The following AUTS2 variants were observed in gnomAD, a reference collection of about 807,000 sequenced individuals.
AUTS2 encodes the protein autism susceptibility gene 2 protein.
Under a neutral mutation model 112.4 loss-of-function variants are expected in AUTS2, and 17 were observed. The observed-to-expected ratio is 0.15, with a 90% CI of 0.10 to 0.23. AUTS2 has a LOEUF of 0.23. Ranked by LOEUF, AUTS2 falls within the 10% of genes least tolerant of loss-of-function variation. AUTS2 has a pLI of 1.00. For synonymous variants in AUTS2, 751 were observed against 702.7 expected (o/e 1.07, Z -1.09); for missense variants, 1,510 against 1,701.6 (o/e 0.89, Z 1.98).
Position 70,102,915 on chromosome 7 carries a change from T to C in AUTS2, c.523-15217T>C, listed in dbSNP as rs542303266. Among the ~76,000 whole-genome samples, 70 of 152,308 alleles carry C rather than the reference T, an allele frequency of 4.6e-4. 1 individual carries two copies. Among genetic ancestry groups the C allele is most frequent in the African/African-American group, 1.5e-3 (62 of 41,578 alleles). On this transcript the variant is annotated intron_variant, in intron 2 of 18. Transcript: ENST00000342771. ...TTTGAGAGAGTATTGTAGAATTTATTCTTATATTAATGCAATTAATATATT... is the reference window on the plus strand; with the variant it reads ...TTTGAGAGAGTATTGTAGAATTTATCCTTATATTAATGCAATTAATATATT...
chr7:70,235,568 GT>G (rs1812281071), intron 4 of AUTS2, among the ~76,000 whole-genome samples: 1 of 152,000 alleles, frequency 6.6e-6, no homozygotes, highest in African/African-American at 2.4e-5. Context: ...CGTACTATCT[GT>G]TTTTAGGTGG....
At chr7:69,952,078 G>A (rs976152072) in intron 2 of AUTS2, among the ~76,000 whole-genome samples, 1 of 151,836 alleles carries the variant, frequency 6.6e-6, no homozygotes, top group Non-Finnish European at 1.5e-5. Flanking sequence ...CACTTTTATG[G>A]CCATTTTTTA....
chr7:70,697,035 A>T (rs1443116516), intron 5 of AUTS2, among the ~76,000 whole-genome samples: 1 of 152,198 alleles, frequency 6.6e-6, no homozygotes, highest in Non-Finnish European at 1.5e-5. Flanking sequence ...CAGTCCTAGA[A>T]ATCTCACTTA....
Position 70,509,336 on chromosome 7 carries a change from G to C in AUTS2, c.690+73555G>C, listed in dbSNP as rs144315411. On this transcript the variant is annotated intron_variant, in intron 5 of 18. Coordinates refer to ENST00000342771, the MANE Select transcript of AUTS2 (RefSeq NM_015570.4). Reference sequence around the variant, plus strand: ...AATCACAGCCATGGTGTATGGGAGAGGCATTGGGACTATGAGAGATTATAA... The same window carrying C: ...AATCACAGCCATGGTGTATGGGAGACGCATTGGGACTATGAGAGATTATAA... Among the ~76,000 whole-genome samples the C allele has an allele frequency of 1.5e-4, 23 of 152,296 alleles. No individual in the cohort carries two copies. The East Asian group carries it at 4.4e-3, about 29-fold the overall frequency.
At chr7:70,222,648 C>CT (rs1297533970) in intron 4 of AUTS2, among the ~76,000 whole-genome samples, 1 of 150,980 alleles carries the variant, frequency 6.6e-6, no homozygotes, top group Non-Finnish European at 1.5e-5. Flanking sequence ...CCTCAAAAGA[C>CT]TTTAAGTTCT....
intron 2 of AUTS2, among the ~76,000 whole-genome samples, chr7:69,927,866 G>T (rs773790138): frequency 6.6e-5 from 10 of 152,210 alleles, no homozygotes; most frequent in Non-Finnish European, 1.3e-4. Flanking sequence ...TGCAGAGACC[G>T]CCAGGAACCA....
chr7:69,615,747 C>T (rs1793339021), intron 1 of AUTS2, among the ~76,000 whole-genome samples: 1 of 152,204 alleles, frequency 6.6e-6, no homozygotes, highest in Non-Finnish European at 1.5e-5. Context: ...TGTTGAAATA[C>T]AGCCCATATG....
At chr7:70,623,678 ATGGGAAATGT>A (rs1305993460) in intron 5 of AUTS2, among the ~76,000 whole-genome samples, 1 of 152,180 alleles carries the variant, frequency 6.6e-6, no homozygotes, top group African/African-American at 2.4e-5. Context: ...GCCATTCCTT[ATGGGAAATGT>A]TGGCTTTCTT....
chr7:70,508,822 A>G lies in AUTS2; in HGVS notation c.690+73041A>G, dbSNP rs144033099. 4.0e-3 allele frequency among the ~76,000 whole-genome samples: 602 copies of G among 152,346 alleles called. 3 individuals are homozygous for G. The highest frequency in any genetic ancestry group is 6.4e-3 in the Non-Finnish European group (434 of 68,032). On this transcript the variant is annotated intron_variant, in intron 5 of 18. Transcript: ENST00000342771. The stretch of plus-strand genomic sequence containing the variant: ...CAGTGTGATGGAGAAAGGGCAAGGT[A>G]TTAATTAGTTAGGATAACATGCTAA...
chr7:70,055,295 G>A (rs777089816), intron 2 of AUTS2, among the ~76,000 whole-genome samples: 3 of 152,176 alleles, frequency 2.0e-5, no homozygotes, highest in Non-Finnish European at 4.4e-5. Context: ...TTAGCTGGAC[G>A]TGGTGGCACA....
intron 5 of AUTS2, among the ~76,000 whole-genome samples, chr7:70,666,483 A>G: frequency 6.6e-6 from 1 of 152,220 alleles, no homozygotes; most frequent in African/African-American, 2.4e-5. Context: ...AGAAGGCGAC[A>G]GTTGGCAAAT....
At chr7:70,654,423 G>A (rs779252733) in intron 5 of AUTS2, among the ~76,000 whole-genome samples, 19 of 152,134 alleles carry the variant, frequency 1.2e-4, no homozygotes, top group African/African-American at 7.2e-5. Flanking sequence ...AAAATAAGAC[G>A]GAGGTCACAT....
intron 5 of AUTS2, among the ~76,000 whole-genome samples, chr7:70,458,093 C>T (rs1796817205): frequency 1.3e-5 from 2 of 152,156 alleles, no homozygotes; most frequent in Non-Finnish European, 2.9e-5. Context: ...CTTGAGCCCA[C>T]ATTCTTCCAG....
At chr7:69,637,822 A>G (rs1241902585) in intron 1 of AUTS2, among the ~76,000 whole-genome samples, 1 of 152,240 alleles carries the variant, frequency 6.6e-6, no homozygotes, top group African/African-American at 2.4e-5. Flanking sequence ...AGAGGCTGTT[A>G]TACCTCGTGT....
Position 69,620,784 on chromosome 7 carries a change from A to G in AUTS2, c.309+20822A>G, listed in dbSNP as rs1488666615. Among the ~76,000 whole-genome samples the G allele has an allele frequency of 2.6e-5, 4 of 152,210 alleles. No individual in the cohort carries two copies. In the South Asian group the frequency reaches 6.2e-4, roughly 24 times the overall value. On this transcript the variant is annotated intron_variant, in intron 1 of 18. Transcript: ENST00000342771. ...TTTTGTTAATATTCAAAGGCATGAA[A>G]ACATTTTTACCAGTTTATGTTTTCC...
rs866943417 is a variant in AUTS2, at chr7:70,567,172, C to G, written c.690+131391C>G. Reference sequence around the variant, plus strand: ...TCAGTGTGTTCATGTCTCGATCCAACTGGCCAATGAAACCCTTTATTAGGA... The same window carrying G: ...TCAGTGTGTTCATGTCTCGATCCAAGTGGCCAATGAAACCCTTTATTAGGA... On this transcript the variant is annotated intron_variant, in intron 5 of 18. Transcript: ENST00000342771. 2.0e-4 allele frequency among the ~76,000 whole-genome samples: 31 copies of G among 152,350 alleles called. 2 individuals carry two copies. In the Middle Eastern group the frequency reaches 0.014, roughly 67 times the overall value.
chr7:70,605,684 T>C (rs940095551), intron 5 of AUTS2, among the ~76,000 whole-genome samples: 1 of 151,786 alleles, frequency 6.6e-6, no homozygotes, highest in African/African-American at 2.4e-5. Flanking sequence ...ATCTTTCCCA[T>C]AAAAGGTGTT....
intron 5 of AUTS2, among the ~76,000 whole-genome samples, chr7:70,623,928 G>A (rs777341201): frequency 2.0e-5 from 3 of 152,154 alleles, no homozygotes; most frequent in Non-Finnish European, 2.9e-5. Flanking sequence ...CCCTGAAATG[G>A]CAAGGAAAAG....
chr7:70,774,159 CG>C (rs1190811238), intron 12 of AUTS2, 60 bp downstream of exon 12: 1 of 1,516,520 alleles, frequency 6.6e-7, no homozygotes, highest in Non-Finnish European at 9.2e-7. Flanking sequence ...TTGCACGGGA[CG>C]GCCAGCCCAG....
Sources: gnomAD v4.1 joint callset for allele counts (sites outside exome capture counted in the v4.1 genomes callset) on GRCh38, gnomAD v4.1.1 for gene constraint, MANE v1.5 for transcripts, NCBI Gene and HGNC (gene_info 2026-07-23, HGNC 2026-07-21) for gene names.